PI4KA: variants seen among roughly 807,000 people sequenced by gnomAD.
The protein encoded by PI4KA is phosphatidylinositol 4-kinase alpha, also known as PI4-kinase alpha.
A neutral mutation model predicts 271.4 loss-of-function variants in PI4KA; 122 were observed. That is an observed-to-expected ratio of 0.45 (90% CI 0.39 to 0.52). The LOEUF is 0.52. Among genes scored for constraint, PI4KA ranks in the 20% least tolerant of loss-of-function variants. The probability of loss-of-function intolerance (pLI) is 0.00; values close to 1 mark genes in which losing one functional copy is unlikely to be tolerated. For missense variants in PI4KA, 1,969 were observed against 2,769.1 expected (o/e 0.71, Z 6.48); for synonymous variants, 1,041 against 1,078.8 (o/e 0.96, Z 0.69).
intron 1 of PI4KA, among the ~76,000 whole-genome samples, chr22:20,857,195 C>G (rs187696528): frequency 2.0e-4 from 31 of 152,334 alleles, no homozygotes; most frequent in Admixed American, 1.1e-3. Flanking sequence ...GAGAAGGGAA[C>G]TGACCTGTCT....
rs965059969 is a variant in PI4KA, at chr22:20,840,655, A to C, written c.157-1924T>G. On this transcript the variant is annotated intron_variant, in intron 1 of 54. Transcript: ENST00000255882. ...CCAGTTCAGGATGTGTTTTGAAGGA[A>C]GAGTTAAGAGGACTTGATGATGGAC... Among the ~76,000 whole-genome samples, 3 of 152,248 alleles carry C rather than the reference A, an allele frequency of 2.0e-5. No individual in the cohort carries two copies. In the East Asian group the frequency reaches 5.8e-4, roughly 29 times the overall value.
intron 16 of PI4KA, 129 bp downstream of exon 16, chr22:20,798,964 A>G (rs903505168): frequency 7.9e-6 from 6 of 754,988 alleles, no homozygotes; most frequent in Non-Finnish European, 1.1e-5. Flanking sequence ...ACTACTCCGC[A>G]TTAAAACCGT....
rs1364452010 is a variant in PI4KA, at chr22:20,787,129, A to G, written c.2328+6064T>C. On this transcript the variant is annotated intron_variant, in intron 19 of 54. Coordinates refer to ENST00000255882, the MANE Select transcript of PI4KA (RefSeq NM_058004.4). ...CCCTCATTTTGTTTCCATTCCAACA[A>G]CGAGAACAGAGATGTTCTGGCATCA... The G allele has an allele frequency of 2.1e-6, 3 of 1,409,558 alleles. No homozygotes were observed. The African/African-American group carries it at 4.3e-5, about 20-fold the overall frequency. The allele number at this position is 1,409,558 out of a possible 1,614,324, so 87.3% of individuals were successfully genotyped here. A position where few individuals can be genotyped will look rare whatever the true frequency, so the allele number is the denominator to read the frequency against.
intron 18 of PI4KA, among the ~76,000 whole-genome samples, chr22:20,795,384 A>T (rs1304998933): frequency 6.6e-6 from 1 of 152,122 alleles, no homozygotes; most frequent in Non-Finnish European, 1.5e-5. Context: ...AACCAAAATT[A>T]GTTTAAATTA....
chr22:20,849,181 A>G (rs568725123), intron 1 of PI4KA, among the ~76,000 whole-genome samples: 14 of 152,320 alleles, frequency 9.2e-5, no homozygotes, highest in Admixed American at 1.3e-4. Context: ...CTATAACTGG[A>G]AAGACAGACA....
intron 7 of PI4KA, among the ~76,000 whole-genome samples, chr22:20,816,289 T>C (rs1601558853): frequency 6.6e-6 from 1 of 152,208 alleles, no homozygotes; most frequent in East Asian, 1.9e-4. Context: ...AAATAATTCT[T>C]ATTTATTTTT....
intron 1 of PI4KA, among the ~76,000 whole-genome samples, chr22:20,849,228 C>T (rs1926652908): frequency 6.6e-6 from 1 of 152,090 alleles, no homozygotes; most frequent in Non-Finnish European, 1.5e-5. Flanking sequence ...GAAAACAAGC[C>T]CTCTGTACAC....
In PI4KA at chr22:20,707,931, G is replaced by A; in HGVS notation, c.*116C>T. On this transcript the variant is annotated 3_prime_UTR_variant, in exon 55 of 55. Coordinates refer to ENST00000255882, the MANE Select transcript of PI4KA (RefSeq NM_058004.4). ...CCCAGGAGGCGCTACCAGGTTCTTT[G>A]GGCCACAGGCCTCTCCTCCACTGCA... The A allele has an allele frequency of 2.1e-6, 2 of 947,120 alleles. No individual in the cohort carries two copies. The highest frequency in any genetic ancestry group is 2.6e-5 in the South Asian group (2 of 77,592). 58.7% of individuals were successfully genotyped at this position (947,120 alleles called of 1,614,324 possible). A position where few individuals can be genotyped will look rare whatever the true frequency, so the allele number is the denominator to read the frequency against.
intron 3 of PI4KA, among the ~76,000 whole-genome samples, chr22:20,829,703 G>T (rs1378474984): frequency 6.6e-6 from 1 of 151,688 alleles, no homozygotes; most frequent in Non-Finnish European, 1.5e-5. Flanking sequence ...CTAGCTTTGG[G>T]GTTAGTTTGT....
At chr22:20,785,877 T>C (rs773300571) in intron 19 of PI4KA, 26 of 1,340,908 alleles carry the variant, frequency 1.9e-5, no homozygotes, top group Middle Eastern at 1.8e-4. Context: ...TCCCGGAATA[T>C]AAATTTTAAT....
At chr22:20,763,016 T>TGCG (rs764908841) in intron 22 of PI4KA, among the ~76,000 whole-genome samples, 1 of 14,184 alleles carries the variant, frequency 7.1e-5, no homozygotes, top group Non-Finnish European at 1.2e-4. Flanking sequence ...GCTTTTTTTT[T>TGCG]TGGGGGGGGG....
At chr22:20,792,041 C>T (rs1415183942) in intron 19 of PI4KA, among the ~76,000 whole-genome samples, 1 of 152,080 alleles carries the variant, frequency 6.6e-6, no homozygotes, top group Admixed American at 6.6e-5. Flanking sequence ...GTGGAGACTG[C>T]AGTTAGCCAA....
intron 2 of PI4KA, among the ~76,000 whole-genome samples, chr22:20,835,109 T>A (rs1429672650): frequency 6.6e-6 from 1 of 152,068 alleles, no homozygotes; most frequent in African/African-American, 2.4e-5. Flanking sequence ...TTTCTGTTCA[T>A]GTCCCTTGTC....
intron 23 of PI4KA, among the ~76,000 whole-genome samples, chr22:20,755,153 T>A (rs1193151410): frequency 6.6e-6 from 1 of 152,202 alleles, no homozygotes; most frequent in Non-Finnish European, 1.5e-5. Flanking sequence ...TCCCCATTTT[T>A]TATTTATTCG....
chr22:20,818,679 C>A (rs1922167362), intron 6 of PI4KA, 130 bp from the exon 7 acceptor site: 2 of 588,354 alleles, frequency 3.4e-6, no homozygotes, highest in South Asian at 5.4e-5. Context: ...TCATTTCCTT[C>A]CTAAAGCCCA....
intron 12 of PI4KA, among the ~76,000 whole-genome samples, 153 bp downstream of exon 12, chr22:20,804,147 C>A (rs561579364): frequency 2.0e-5 from 3 of 152,352 alleles, no homozygotes; most frequent in East Asian, 3.9e-4. Flanking sequence ...CAGTGATGAA[C>A]TGTGCACAGC....
At chr22:20,720,509 G>A (rs1019890520) in intron 43 of PI4KA, among the ~76,000 whole-genome samples, 5 of 152,164 alleles carry the variant, frequency 3.3e-5, no homozygotes, top group African/African-American at 1.2e-4. Flanking sequence ...CCGTGATTGC[G>A]CCACTGCATT....
chr22:20,742,668 G>C lies in PI4KA; in HGVS notation c.3553C>G (p.His1185Asp), dbSNP rs535874525. Reference protein sequence around the residue: ...QDLHSALDRSHPQHYTQAMFK... With the variant: ...QDLHSALDRSDPQHYTQAMFK... Reference sequence around the variant, plus strand: ...ATGGCCTGCGTGTAGTGCTGAGGATGACTGCGGTCTAAAGCTGAATGTAGA... The same window carrying C: ...ATGGCCTGCGTGTAGTGCTGAGGATCACTGCGGTCTAAAGCTGAATGTAGA... The change falls in exon 31 of 55, where the codon CAT (histidine) becomes GAT (aspartate). Residue 1185 changes from histidine to aspartate, a missense_variant. Coordinates refer to ENST00000255882, the MANE Select transcript of PI4KA (RefSeq NM_058004.4). The C allele has an allele frequency of 1.3e-5, 21 of 1,614,138 alleles. No homozygotes were observed. In the African/African-American group the frequency reaches 2.4e-4, roughly 18 times the overall value.
chr22:20,726,212 G>A lies in PI4KA; in HGVS notation c.4995+276C>T, dbSNP rs184875562. 9.8e-4 allele frequency: 358 copies of A among 366,114 alleles called. 1 individual carries two copies. Among genetic ancestry groups the A allele is most frequent in the Non-Finnish European group, 1.2e-3 (248 of 204,232 alleles). The allele number at this position is 366,114 out of a possible 1,614,324, so 22.7% of individuals were successfully genotyped here. On this transcript the variant is annotated intron_variant, in intron 42 of 54. Transcript: ENST00000255882. The stretch of plus-strand genomic sequence containing the variant: ...ATTTGAGGGGACCCCACCGATGAGA[G>A]GGAAGCCTGGCCAGGCTGCCTAGCC...
Sources: gnomAD v4.1 joint callset for allele counts (sites outside exome capture counted in the v4.1 genomes callset) on GRCh38, gnomAD v4.1.1 for gene constraint, MANE v1.5 for transcripts, NCBI Gene and HGNC (gene_info 2026-07-23, HGNC 2026-07-21) for gene names.